PCDHA3: variants seen among roughly 807,000 people sequenced by gnomAD.
PCDHA3 encodes the protein protocadherin alpha 3.
A neutral mutation model predicts 62.2 loss-of-function variants in PCDHA3; 41 were observed. That is an observed-to-expected ratio of 0.66 (90% CI 0.51 to 0.86). The LOEUF (loss-of-function observed/expected upper bound fraction) is 0.86. PCDHA3 is among the 40% of genes least tolerant of loss of function. The probability of loss-of-function intolerance (pLI) is 0.00; values close to 1 mark genes in which losing one functional copy is unlikely to be tolerated. For synonymous variants in PCDHA3, 640 were observed against 555.4 expected (o/e 1.15, Z -2.14); for missense variants, 1,304 against 1,241.2 (o/e 1.05, Z -0.76).
chr5:140,965,316 T>C (rs1411473254), intron 1 of PCDHA3, among the ~76,000 whole-genome samples: 2 of 152,200 alleles, frequency 1.3e-5, no homozygotes, highest in Admixed American at 6.5e-5. Context: ...CCTTCTCTTT[T>C]ACTGAAGTGA....
rs186780543 is a variant in PCDHA3, at chr5:140,848,623, C to T, written c.2394+45032C>T. On this transcript the variant is annotated intron_variant, in intron 1 of 3. Transcript: ENST00000522353. The stretch of plus-strand genomic sequence containing the variant: ...GTCCCGGAGGAAGCCGAACACGGCA[C>T]CTTCGTGGGCCGCATCGCGCAGGAC... The T allele has an allele frequency of 1.0e-5, 16 of 1,592,746 alleles. 2 individuals carry two copies. The Admixed American group carries it at 1.5e-4, about 15-fold the overall frequency.
intron 1 of PCDHA3, chr5:140,824,631 T>TTTTTTTTTTTTG (rs1768292344): frequency 8.2e-6 from 1 of 121,430 alleles, no homozygotes. Flanking sequence ...TTTTTTTTTT[T>TTTTTTTTTTTTG]TATTTTCTGT....
At chr5:140,805,078 C>A in intron 1 of PCDHA3, 1 of 1,593,568 alleles carries the variant, frequency 6.3e-7, no homozygotes, top group Non-Finnish European at 8.5e-7. Flanking sequence ...CTTCAATCTT[C>A]AAATCCAGCT....
At chr5:140,870,627 G>A (rs782093554) in intron 1 of PCDHA3, 17 of 1,612,908 alleles carry the variant, frequency 1.1e-5, no homozygotes, top group Middle Eastern at 1.7e-4. Flanking sequence ...GCTACGTGTC[G>A]GTGCACGCGG....
At chr5:140,973,449 C>CT (rs2096588066) in intron 1 of PCDHA3, among the ~76,000 whole-genome samples, 1 of 152,188 alleles carries the variant, frequency 6.6e-6, no homozygotes, top group African/African-American at 2.4e-5. Flanking sequence ...TTTATAATGA[C>CT]TGGGGCTGTT....
At chr5:140,953,580 A>G (rs1053710021) in intron 1 of PCDHA3, among the ~76,000 whole-genome samples, 23 of 151,934 alleles carry the variant, frequency 1.5e-4, no homozygotes, top group Non-Finnish European at 2.4e-4. Context: ...CTCTCCCAAA[A>G]CTGCCTCCTT....
At chr5:140,926,888 G>A in intron 1 of PCDHA3, 1 of 1,544,494 alleles carries the variant, frequency 6.5e-7, no homozygotes, top group Non-Finnish European at 8.7e-7. Flanking sequence ...ACGCCTAGAG[G>A]GAGGATGGTG....
chr5:140,938,113 C>CT (rs1337308557), intron 1 of PCDHA3, among the ~76,000 whole-genome samples: 1 of 152,056 alleles, frequency 6.6e-6, no homozygotes, highest in Non-Finnish European at 1.5e-5. Context: ...TACTTTCTCT[C>CT]TTTTTTTAAA....
chr5:140,829,050 T>C (rs1554131730), intron 1 of PCDHA3: 3 of 1,613,108 alleles, frequency 1.9e-6, no homozygotes, highest in African/African-American at 2.7e-5. Context: ...AAAATCCTCA[T>C]TGACGCCACG....
At chr5:140,843,104 C>T in intron 1 of PCDHA3, 1 of 1,595,712 alleles carries the variant, frequency 6.3e-7, no homozygotes, top group African/African-American at 1.3e-5. Context: ...AGCGAAGGTG[C>T]GCGCAGTGGA....
At chr5:140,808,081 T>C (rs782221936) in intron 1 of PCDHA3, 2 of 1,614,036 alleles carry the variant, frequency 1.2e-6, no homozygotes, top group Non-Finnish European at 1.7e-6. Flanking sequence ...TAGATCCAAT[T>C]ACTGGACAAA....
At chr5:140,841,688 G>A in intron 1 of PCDHA3, 1 of 1,613,948 alleles carries the variant, frequency 6.2e-7, no homozygotes, top group Non-Finnish European at 8.5e-7. Flanking sequence ...GGACGTGGAG[G>A]TGAAGGATGT....
At chr5:140,922,841 A>G (rs982832745) in intron 1 of PCDHA3, among the ~76,000 whole-genome samples, 67 of 152,372 alleles carry the variant, frequency 4.4e-4, no homozygotes, top group African/African-American at 1.5e-3. Flanking sequence ...GATGTCCTCA[A>G]AGAGACCAAA....
intron 1 of PCDHA3, among the ~76,000 whole-genome samples, chr5:140,827,788 C>A (rs781936968): frequency 6.6e-6 from 1 of 152,100 alleles, no homozygotes; most frequent in African/African-American, 2.4e-5. Context: ...TAACACTGAC[C>A]GTGCAAATTA....
intron 1 of PCDHA3, chr5:140,836,663 T>A: frequency 3.1e-6 from 5 of 1,613,494 alleles, no homozygotes; most frequent in Middle Eastern, 1.7e-4. Context: ...GGGTGTGCTC[T>A]GGGGAGGGCC....
intron 1 of PCDHA3, chr5:140,814,348 C>A: frequency 6.6e-6 from 1 of 152,230 alleles, no homozygotes; most frequent in South Asian, 2.0e-4. Flanking sequence ...TCTTCTGGGG[C>A]AGTTACACAT....
chr5:140,811,893 G>A (rs1262337923), intron 1 of PCDHA3: 1 of 152,102 alleles, frequency 6.6e-6, no homozygotes, highest in Non-Finnish European at 1.5e-5. Context: ...GTAGATTCTG[G>A]ATATTAGCCC....
rs543390372 is a variant in PCDHA3 at position 140,900,669 on chromosome 5, A to G, written c.2395-78280A>G. 4.8e-4 allele frequency among the ~76,000 whole-genome samples: 73 copies of G among 152,334 alleles called. 1 individual carries two copies. The highest frequency in any genetic ancestry group is 1.5e-3 in the South Asian group (7 of 4,824). On this transcript the variant is annotated intron_variant, in intron 1 of 3. Transcript: ENST00000522353. ...CTGCTGCAATGAACAATGGGAGTGC[A>G]GTTATCTCTTCAATATACTGATTTC...
chr5:140,942,310 C>T (rs782391809), intron 1 of PCDHA3, among the ~76,000 whole-genome samples: 14 of 151,402 alleles, frequency 9.2e-5, no homozygotes, highest in East Asian at 1.9e-4. Flanking sequence ...CTTGGGAGGT[C>T]GAGGCACAAG....
Sources: allele counts gnomAD v4.1 joint callset (sites outside exome capture counted in the v4.1 genomes callset), GRCh38; gene constraint gnomAD v4.1.1; transcripts MANE v1.5; gene names NCBI Gene and HGNC (gene_info 2026-07-23, HGNC 2026-07-21).